PTPRN2: variants seen among roughly 807,000 people sequenced by gnomAD.
PTPRN2 encodes the protein receptor-type tyrosine-protein phosphatase N2.
In PTPRN2, 74 loss-of-function variants were observed where a neutral mutation model predicts 118.8. The observed-to-expected ratio is 0.62, with a 90% CI of 0.52 to 0.76. The LOEUF (loss-of-function observed/expected upper bound fraction) is 0.76, where lower values mean the gene tolerates loss of function less well. PTPRN2 is among the 30% of genes least tolerant of loss of function. The pLI is 0.00. For missense variants in PTPRN2, 1,481 were observed against 1,394.4 expected (o/e 1.06, Z -0.99); for synonymous variants, 641 against 608.0 (o/e 1.05, Z -0.80).
intron 11 of PTPRN2, among the ~76,000 whole-genome samples, chr7:158,006,901 G>A (rs1337706815): frequency 6.6e-6 from 1 of 152,176 alleles, no homozygotes; most frequent in Non-Finnish European, 1.5e-5. Flanking sequence ...CTCCTGTGTG[G>A]TCCTCTGGCG....
At chr7:157,824,734 T>C (rs1268948386) in intron 12 of PTPRN2, among the ~76,000 whole-genome samples, 1 of 152,152 alleles carries the variant, frequency 6.6e-6, no homozygotes, top group Non-Finnish European at 1.5e-5. Flanking sequence ...GGTGTGAACC[T>C]GGATGCTACA....
At chr7:158,280,948 T>C (rs568680435) in intron 3 of PTPRN2, among the ~76,000 whole-genome samples, 1 of 152,336 alleles carries the variant, frequency 6.6e-6, no homozygotes, top group African/African-American at 2.4e-5. Context: ...AAACATAGGC[T>C]AGCGAGAGTC....
Position 158,124,463 on chromosome 7 carries a change from C to G in PTPRN2, c.1556+9214G>C, listed in dbSNP as rs147738724. Among the ~76,000 whole-genome samples the G allele has an allele frequency of 1.3e-3, 200 of 152,368 alleles. 2 individuals carry two copies. The highest frequency in any genetic ancestry group is 4.6e-3 in the African/African-American group (191 of 41,594). Reference sequence around the variant, plus strand: ...ATTCTCCAATGGGCAGAACTATAGGCTGTACATCTGGTTTACTTTGCTTGG... The same window carrying G: ...ATTCTCCAATGGGCAGAACTATAGGGTGTACATCTGGTTTACTTTGCTTGG... On this transcript the variant is annotated intron_variant, in intron 9 of 22. Transcript: ENST00000389418.
At chr7:158,101,786 G>A (rs1257407120) in intron 10 of PTPRN2, among the ~76,000 whole-genome samples, 3 of 152,204 alleles carry the variant, frequency 2.0e-5, no homozygotes, top group Non-Finnish European at 1.5e-5. Context: ...AGTGTGGACA[G>A]CAAAGCCCCT....
rs558379876 is a variant in PTPRN2, at chr7:158,518,476, C to T, written c.113-28691G>A. On this transcript the variant is annotated intron_variant, in intron 1 of 22. Coordinates refer to ENST00000389418, the MANE Select transcript of PTPRN2 (RefSeq NM_002847.5). ...GTAAGCCAGAAGTGAAGAAAATGCA[C>T]AGCCAAGCCGGGCCAGAACGTCCAC... 2.0e-5 allele frequency among the ~76,000 whole-genome samples: 3 copies of T among 152,268 alleles called. No individual in the cohort carries two copies. In the South Asian group the frequency reaches 6.2e-4, roughly 32 times the overall value.
chr7:158,331,219 T>G (rs1586300149), intron 2 of PTPRN2, among the ~76,000 whole-genome samples: 2 of 145,480 alleles, frequency 1.4e-5, no homozygotes, highest in East Asian at 4.1e-4. Context: ...ACTCTCACCA[T>G]AAGAGCTGAC....
At chr7:158,137,463 C>T (rs2150453370) in intron 7 of PTPRN2, among the ~76,000 whole-genome samples, 1 of 152,302 alleles carries the variant, frequency 6.6e-6, no homozygotes, top group Admixed American at 6.5e-5. Context: ...ATCCTACTTT[C>T]AGTGCCCAAA....
chr7:157,586,539 C>T (rs760055743), intron 17 of PTPRN2, among the ~76,000 whole-genome samples: 9 of 152,206 alleles, frequency 5.9e-5, no homozygotes, highest in Non-Finnish European at 8.8e-5. Flanking sequence ...ACACATCTGA[C>T]GAGAAAGGAG....
intron 3 of PTPRN2, among the ~76,000 whole-genome samples, chr7:158,259,501 C>T (rs553882424): frequency 2.6e-5 from 4 of 152,188 alleles, no homozygotes; most frequent in African/African-American, 7.2e-5. Context: ...CAAAGACCGT[C>T]GGCACCAACG....
In PTPRN2 at chr7:157,987,985, A is replaced by G. The variant is rs746396722; in HGVS notation, c.1724-89248T>C. Reference sequence around the variant, plus strand: ...CCCCACACCTGCCATTCCCTGCGTTACTGCAGCAGGGATCCAGAGAACACT... The same window carrying G: ...CCCCACACCTGCCATTCCCTGCGTTGCTGCAGCAGGGATCCAGAGAACACT... On this transcript the variant is annotated intron_variant, in intron 11 of 22. Transcript: ENST00000389418. The surrounding 1 kb of genome is among the most constrained non-coding windows in gnomAD (Gnocchi z 4.3). Among the ~76,000 whole-genome samples, 27 of 150,820 alleles carry G rather than the reference A, an allele frequency of 1.8e-4. No individual in the cohort carries two copies. The highest frequency in any genetic ancestry group is 3.4e-4 in the Non-Finnish European group (23 of 67,686).
At chr7:157,733,463 T>G (rs1470922147) in intron 12 of PTPRN2, among the ~76,000 whole-genome samples, 11 of 35,790 alleles carry the variant, frequency 3.1e-4, no homozygotes, top group South Asian at 1.2e-3. Context: ...GTTACTCTTT[T>G]CCGCCCCATG....
chr7:157,627,588 A>G lies in PTPRN2; in HGVS notation c.2197-6079T>C, dbSNP rs1803664851. Among the ~76,000 whole-genome samples the G allele has an allele frequency of 6.6e-6, 1 of 152,016 alleles. No individual in the cohort carries two copies. The highest frequency in any genetic ancestry group is 2.1e-4 in the South Asian group (1 of 4,810). On this transcript the variant is annotated intron_variant, in intron 14 of 22. Coordinates refer to ENST00000389418, the MANE Select transcript of PTPRN2 (RefSeq NM_002847.5). This position sits in a 1 kb window ranked among gnomAD's most constrained non-coding sequence, Gnocchi z 4.2. ...TTTTGAAGGGCTCTTGGCTGGGAGA[A>G]CTCAGTCTGACATTTTCATATTTTT...
intron 1 of PTPRN2, among the ~76,000 whole-genome samples, chr7:158,524,316 G>A (rs1188447091): frequency 9.5e-5 from 7 of 73,350 alleles, no homozygotes; most frequent in African/African-American, 3.6e-4. Context: ...GTCGGCCCTG[G>A]AGTGGAGTCT....
intron 3 of PTPRN2, among the ~76,000 whole-genome samples, chr7:158,271,060 GCC>G (rs1798468677): frequency 2.1e-5 from 2 of 95,878 alleles, no homozygotes; most frequent in African/African-American, 4.0e-5. Flanking sequence ...CCCAACCTGG[GCC>G]ACCCCCTCCA....
intron 19 of PTPRN2, among the ~76,000 whole-genome samples, chr7:157,571,888 A>G (rs1408725767): frequency 2.9e-5 from 1 of 34,414 alleles, no homozygotes; most frequent in Non-Finnish European, 5.7e-5. Flanking sequence ...TTTGCAATTT[A>G]TGCTCAAAAT....
In PTPRN2 at chr7:158,525,174, G is replaced by C. The variant is rs986418585; in HGVS notation, c.113-35389C>G. ...CTTCCCAGCTCCAGGCTCTGGAGCC[G>C]GCTGCAGAGCACAGCGTGAGGCAGG... is the stretch of plus-strand genomic sequence containing the variant. On this transcript the variant is annotated intron_variant, in intron 1 of 22. Coordinates refer to ENST00000389418, the MANE Select transcript of PTPRN2 (RefSeq NM_002847.5). This position sits in a 1 kb window ranked among gnomAD's most constrained non-coding sequence, Gnocchi z 4.1. 6.6e-6 allele frequency among the ~76,000 whole-genome samples: 1 copy of C among 152,148 alleles called. No individual in the cohort carries two copies. Among genetic ancestry groups the C allele is most frequent in the Admixed American group, 6.5e-5 (1 of 15,274 alleles).
chr7:157,865,345 C>T (rs2151245440), intron 12 of PTPRN2: 1 of 152,364 alleles, frequency 6.6e-6, no homozygotes, highest in South Asian at 2.1e-4. Flanking sequence ...TTTGGGTGAT[C>T]CTAACTGATC....
At chr7:158,486,537 T>C (rs1048783640) in intron 2 of PTPRN2, among the ~76,000 whole-genome samples, 5 of 152,248 alleles carry the variant, frequency 3.3e-5, no homozygotes, top group South Asian at 2.1e-4. Context: ...GATTATGTGA[T>C]TGCTTTATCT....
chr7:158,473,499 C>T (rs1364311490), intron 2 of PTPRN2, among the ~76,000 whole-genome samples: 1 of 152,220 alleles, frequency 6.6e-6, no homozygotes, highest in Non-Finnish European at 1.5e-5. Context: ...CAGAGACCTC[C>T]AAGTGCCGGC....
Sources: allele counts gnomAD v4.1 joint callset (sites outside exome capture counted in the v4.1 genomes callset), GRCh38; gene constraint gnomAD v4.1.1; non-coding constraint Gnocchi (gnomAD v3.1); transcripts MANE v1.5; gene names NCBI Gene and HGNC (gene_info 2026-07-23, HGNC 2026-07-21).